The following FBN1 variants were observed in gnomAD, a reference collection of about 807,000 sequenced individuals.
FBN1 encodes fibrillin 1.
FBN1 carries 29 observed loss-of-function variants against 365.1 expected under a neutral mutation model. That is an observed-to-expected ratio of 0.08 (90% CI 0.06 to 0.11). The LOEUF (loss-of-function observed/expected upper bound fraction) is 0.11. Among genes scored for constraint, FBN1 ranks in the 10% least tolerant of loss-of-function variants. The pLI, the probability that FBN1 is intolerant of heterozygous loss-of-function variation, is 1.00. For missense variants in FBN1, 2,476 were observed against 3,703.2 expected (o/e 0.67, Z 8.60); for synonymous variants, 1,210 against 1,270.5 (o/e 0.95, Z 1.01).
chr15:48,457,512 C>A (rs1441803755), intron 43 of FBN1, among the ~76,000 whole-genome samples: 5 of 152,154 alleles, frequency 3.3e-5, no homozygotes, highest in African/African-American at 1.2e-4. Context: ...AGGATCCAGG[C>A]TGCTAAGGCA....
At chr15:48,466,889 A>G (rs749184447) in intron 38 of FBN1, among the ~76,000 whole-genome samples, 2 of 151,932 alleles carry the variant, frequency 1.3e-5, no homozygotes, top group Admixed American at 6.6e-5. Context: ...TGAAGGCTCA[A>G]TTAAAAAACA....
Position 48,483,883 on chromosome 15 carries a change from G to C in FBN1, c.3773C>G (p.Pro1258Arg), listed in dbSNP as rs2043485113. 1.2e-6 allele frequency: 2 copies of C among 1,613,590 alleles called. No homozygotes were observed. Among genetic ancestry groups the C allele is most frequent in the African/African-American group, 2.7e-5 (2 of 75,034 alleles). Residue 1258 changes from proline to arginine, a missense_variant, in exon 31 of 66, where the codon CCT (proline) becomes CGT (arginine). Pro to Arg is a moderately radical substitution (Grantham distance 103, BLOSUM62 -2). Transcript: ENST00000316623. ...ICDGGQCTNI[P>R]GEYRCLCYDG... ...ATAACACAAGCACCTGTACTCTCCA[G>C]GGATATTTGTGCACTGACCACCATC...
In FBN1 at chr15:48,631,098, C is replaced by T. The variant is rs759042608; in HGVS notation, c.164+13508G>A. 2.7e-4 allele frequency among the ~76,000 whole-genome samples: 41 copies of T among 152,126 alleles called. 1 individual carries two copies. Among genetic ancestry groups the T allele is most frequent in the Non-Finnish European group, 5.0e-4 (34 of 68,032 alleles). On this transcript the variant is annotated intron_variant, in intron 2 of 65. Transcript: ENST00000316623. ...TTAAGATAATGTATGTTTTGTTCCA[C>T]TCTCACGGATGTTCAATAGTTTAAG...
chr15:48,469,392 GTC>G (rs2043352793), intron 36 of FBN1, among the ~76,000 whole-genome samples: 1 of 152,082 alleles, frequency 6.6e-6, no homozygotes, highest in African/African-American at 2.4e-5. Context: ...GGCAAGGAGT[GTC>G]TCTCCCATCA....
At chr15:48,434,530 T>A (rs2043049136) in intron 54 of FBN1, 64 bp downstream of exon 54, 7 of 1,600,134 alleles carry the variant, frequency 4.4e-6, no homozygotes, top group Non-Finnish European at 5.1e-6. Context: ...TTAAGACTTG[T>A]AATCAACCAA....
At chr15:48,515,274 G>T in intron 12 of FBN1, 113 bp downstream of exon 12, 1 of 1,166,328 alleles carries the variant, frequency 8.6e-7, no homozygotes, top group African/African-American at 1.5e-5. Context: ...AATTTGTATT[G>T]TATTAAGCCA....
At chr15:48,436,609 T>C (rs1292665090) in intron 53 of FBN1, among the ~76,000 whole-genome samples, 1 of 152,230 alleles carries the variant, frequency 6.6e-6, no homozygotes, top group Non-Finnish European at 1.5e-5. Flanking sequence ...GATAAGGGAA[T>C]AAGATTATGA....
intron 16 of FBN1, 125 bp downstream of exon 16, chr15:48,504,900 T>A: frequency 7.8e-7 from 1 of 1,286,250 alleles, no homozygotes; most frequent in Non-Finnish European, 1.1e-6. Flanking sequence ...ACCCTGTTGG[T>A]TTGTTGCTCT....
chr15:48,585,401 GA>G (rs1275235075), intron 6 of FBN1, among the ~76,000 whole-genome samples: 1 of 152,188 alleles, frequency 6.6e-6, no homozygotes, highest in African/African-American at 2.4e-5. Context: ...GAAAGTTGGA[GA>G]ACATTTTTTT....
At chr15:48,471,292 C>T (rs12595063) in intron 35 of FBN1, among the ~76,000 whole-genome samples, 2,649 of 152,216 alleles carry the variant, frequency 0.017, 53 homozygotes, top group East Asian at 0.083. Context: ...TAACATTCTT[C>T]GTGTGCAGTT....
intron 50 of FBN1, among the ~76,000 whole-genome samples, chr15:48,438,488 G>T (rs1211587007): frequency 1.3e-5 from 2 of 152,172 alleles, no homozygotes; most frequent in Non-Finnish European, 2.9e-5. Flanking sequence ...CACAAGGGTT[G>T]GTCACTGAAG....
intron 6 of FBN1, among the ~76,000 whole-genome samples, chr15:48,553,977 T>C (rs2044161618): frequency 6.6e-6 from 1 of 152,186 alleles, no homozygotes; most frequent in Admixed American, 6.5e-5. Context: ...GGAAGACTTT[T>C]GCTTCATTTT....
chr15:48,430,383 G>A (rs2043014476), intron 56 of FBN1, among the ~76,000 whole-genome samples: 1 of 152,154 alleles, frequency 6.6e-6, no homozygotes, highest in South Asian at 2.1e-4. Flanking sequence ...CAACAAAAGA[G>A]TATGGAAAGT....
chr15:48,506,671 G>A (rs946300088), intron 15 of FBN1, among the ~76,000 whole-genome samples: 2 of 152,212 alleles, frequency 1.3e-5, no homozygotes, highest in African/African-American at 4.8e-5. Flanking sequence ...TGAGTTAACT[G>A]TGGAGACTGA....
chr15:48,474,239 T>C lies in FBN1; in HGVS notation c.4210+16A>G. On this transcript the variant is annotated intron_variant, in intron 34 of 65. Transcript: ENST00000316623. ...TCTGACTAGTGTTGACACAGTTGTT[T>C]CCAGCGTGAACATACCTGTACAAGT... 2 of 1,614,036 alleles carry C rather than the reference T, an allele frequency of 1.2e-6. No homozygotes were observed. Among genetic ancestry groups the C allele is most frequent in the African/African-American group, 1.3e-5 (1 of 75,030 alleles).
intron 6 of FBN1, among the ~76,000 whole-genome samples, chr15:48,558,385 C>A (rs2044197990): frequency 1.3e-5 from 2 of 152,088 alleles, no homozygotes; most frequent in African/African-American, 4.8e-5. Context: ...ATTATTAGAC[C>A]TATTCCAAGC....
intron 5 of FBN1, 150 bp downstream of exon 5, chr15:48,599,989 A>C: frequency 1.5e-6 from 1 of 653,180 alleles, no homozygotes; most frequent in Admixed American, 2.6e-5. Context: ...TTTTTGAGTA[A>C]GTGATTTGTT....
At chr15:48,426,821 G>A (rs1393526419) in intron 58 of FBN1, among the ~76,000 whole-genome samples, 1 of 151,878 alleles carries the variant, frequency 6.6e-6, no homozygotes, top group Non-Finnish European at 1.5e-5. Flanking sequence ...TACCTTTCTA[G>A]GTCTGTTTTT....
chr15:48,617,929 G>T (rs1054733419), intron 2 of FBN1, among the ~76,000 whole-genome samples: 1 of 152,118 alleles, frequency 6.6e-6, no homozygotes, highest in Non-Finnish European at 1.5e-5. Context: ...AAAGGTTAAG[G>T]TAATAAAAAC....
Sources: allele counts gnomAD v4.1 joint callset (sites outside exome capture counted in the v4.1 genomes callset), GRCh38; gene constraint gnomAD v4.1.1; transcripts MANE v1.5; gene names NCBI Gene and HGNC (gene_info 2026-07-23, HGNC 2026-07-21).